RGS7: variants seen among roughly 807,000 people sequenced by gnomAD.
RGS7 encodes the protein regulator of G protein signaling 7.
RGS7 carries 27 observed loss-of-function variants against 81.1 expected under a neutral mutation model. The observed-to-expected ratio is 0.33, with a 90% CI of 0.25 to 0.46. RGS7 has a LOEUF of 0.46. Ranked by LOEUF, RGS7 falls within the 20% of genes least tolerant of loss-of-function variation. The pLI is 1.00. For synonymous variants in RGS7, 208 were observed against 207.7 expected (o/e 1.00, Z -0.01); for missense variants, 396 against 607.4 (o/e 0.65, Z 3.66).
At chr1:240,962,071 C>T (rs368974412) in intron 4 of RGS7, among the ~76,000 whole-genome samples, 15 of 152,264 alleles carry the variant, frequency 9.9e-5, no homozygotes, top group African/African-American at 3.6e-4. Flanking sequence ...GAGTATTACA[C>T]ACGTATGTTC....
At chr1:240,872,879 C>T (rs1664737466) in intron 6 of RGS7, among the ~76,000 whole-genome samples, 1 of 152,028 alleles carries the variant, frequency 6.6e-6, no homozygotes, top group Non-Finnish European at 1.5e-5. Context: ...GAGTTCAAGA[C>T]CAGTGTGGCC....
At chr1:240,832,183 A>T (rs970043742) in intron 9 of RGS7, among the ~76,000 whole-genome samples, 1 of 152,214 alleles carries the variant, frequency 6.6e-6, no homozygotes, top group Non-Finnish European at 1.5e-5. Flanking sequence ...TCCCAATAAG[A>T]TATAAATAAC....
intron 2 of RGS7, among the ~76,000 whole-genome samples, chr1:241,312,421 C>T (rs1033296674): frequency 1.3e-5 from 2 of 152,166 alleles, no homozygotes; most frequent in African/African-American, 4.8e-5. Flanking sequence ...GTGCCATTTT[C>T]CCAACAACAG....
chr1:240,930,594 A>T, intron 6 of RGS7, 123 bp downstream of exon 6: 1 of 927,690 alleles, frequency 1.1e-6, no homozygotes, highest in East Asian at 2.4e-5. Flanking sequence ...AATGTTAAAA[A>T]TATTGGTCCC....
chr1:241,341,246 A>T (rs12071898), intron 2 of RGS7, among the ~76,000 whole-genome samples: 34,073 of 152,080 alleles, frequency 0.22, 4,013 homozygotes, highest in East Asian at 0.28. Context: ...AGAGAAACTG[A>T]CTTGTCCAAG....
At chr1:240,956,584 A>C (rs408430) in intron 4 of RGS7, among the ~76,000 whole-genome samples, 132,211 of 152,006 alleles carry the variant, frequency 0.87, 57,676 homozygotes, top group Admixed American at 0.93. Context: ...AAAAGTATAC[A>C]ATGACAAAGG....
rs981611569 is a variant in RGS7, at chr1:241,232,695, G to C, written c.78+123004C>G. ...TCTGGAAAAAAAAAAAAAGGCCTGG[G>C]GGGAGCTTAGATAGGGATTGGGTTG... On this transcript the variant is annotated intron_variant, in intron 2 of 18. Coordinates refer to ENST00000440928, the MANE Select transcript of RGS7 (RefSeq NM_001364886.1). 4.6e-5 allele frequency among the ~76,000 whole-genome samples: 7 copies of C among 151,252 alleles called. No homozygotes were observed. The East Asian group carries it at 1.2e-3, about 25-fold the overall frequency.
chr1:241,294,590 T>C (rs941088758), intron 2 of RGS7, among the ~76,000 whole-genome samples: 5 of 152,190 alleles, frequency 3.3e-5, no homozygotes, highest in South Asian at 2.1e-4. Context: ...GGTACAGTAA[T>C]GTCCTAGACC....
chr1:240,869,958 C>A lies in RGS7; in HGVS notation c.450+97G>T, dbSNP rs927645818. On this transcript the variant is annotated intron_variant, in intron 7 of 18. Coordinates refer to ENST00000440928, the MANE Select transcript of RGS7 (RefSeq NM_001364886.1). Reference sequence around the variant, plus strand: ...TCCATCTCAAAAAAAAGAAAAAGATCCATGAATGAAGAGTTAACATCCTGC... The same window carrying A: ...TCCATCTCAAAAAAAAGAAAAAGATACATGAATGAAGAGTTAACATCCTGC... 7.9e-6 allele frequency: 8 copies of A among 1,018,846 alleles called. No homozygotes were observed. The African/African-American group carries it at 7.9e-5, about 10-fold the overall frequency. 63.1% of individuals were successfully genotyped at this position (1,018,846 alleles called of 1,614,324 possible).
At chr1:240,860,631 T>C (rs1300765581) in intron 9 of RGS7, among the ~76,000 whole-genome samples, 1 of 152,114 alleles carries the variant, frequency 6.6e-6, no homozygotes, top group Non-Finnish European at 1.5e-5. Flanking sequence ...ACAAATTTAT[T>C]TGAAGAAAAA....
At chr1:241,109,547 G>A (rs1415436502) in intron 2 of RGS7, among the ~76,000 whole-genome samples, 2 of 152,002 alleles carry the variant, frequency 1.3e-5, no homozygotes, top group African/African-American at 2.4e-5. Flanking sequence ...TCTGTGGCAT[G>A]GTCCATGAGG....
chr1:240,907,913 C>T (rs1230233155), intron 6 of RGS7, among the ~76,000 whole-genome samples: 1 of 152,038 alleles, frequency 6.6e-6, no homozygotes, highest in Non-Finnish European at 1.5e-5. Flanking sequence ...AAAATACATG[C>T]CATTCGTTTT....
rs1490734899 is a variant in RGS7 at position 241,036,926 on chromosome 1, T to C, written c.176-53797A>G. Among the ~76,000 whole-genome samples, 2 of 152,126 alleles carry C rather than the reference T, an allele frequency of 1.3e-5. 1 individual carries two copies. Among genetic ancestry groups the C allele is most frequent in the Admixed American group, 1.3e-4 (2 of 15,268 alleles). ...TAACAAGAATGGTGATTGTGGGAGCTACATACTTAAGTTGAAAGGACCCAC... is the reference window on the plus strand; with the variant it reads ...TAACAAGAATGGTGATTGTGGGAGCCACATACTTAAGTTGAAAGGACCCAC... On this transcript the variant is annotated intron_variant, in intron 3 of 18. Transcript: ENST00000440928.
intron 6 of RGS7, among the ~76,000 whole-genome samples, chr1:240,882,488 A>G (rs1325801168): frequency 2.0e-5 from 3 of 152,142 alleles, no homozygotes; most frequent in Non-Finnish European, 2.9e-5. Context: ...TATTTAATTG[A>G]TGGTAATGAT....
At chr1:241,154,342 A>T (rs747276243) in intron 2 of RGS7, among the ~76,000 whole-genome samples, 1 of 152,272 alleles carries the variant, frequency 6.6e-6, no homozygotes, top group Middle Eastern at 3.4e-3. Context: ...GCAGCAAGAA[A>T]GGCAATAGTA....
At chr1:241,278,716 C>T (rs148409358) in intron 2 of RGS7, among the ~76,000 whole-genome samples, 4 of 152,246 alleles carry the variant, frequency 2.6e-5, no homozygotes, top group South Asian at 4.1e-4. Context: ...CCTGTTGCGC[C>T]GCTAGCATTG....
chr1:241,019,905 T>A (rs2059454783), intron 3 of RGS7, among the ~76,000 whole-genome samples: 1 of 152,196 alleles, frequency 6.6e-6, no homozygotes, highest in Non-Finnish European at 1.5e-5. Flanking sequence ...AGAAGAAAAG[T>A]CATTGAATTT....
At position 241,124,798 on chromosome 1, in the gene RGS7, A is replaced by T. The variant is rs145682585; in HGVS notation, c.79-26036T>A. Among the ~76,000 whole-genome samples the T allele has an allele frequency of 1.6e-4, 25 of 152,310 alleles. No individual in the cohort carries two copies. In the East Asian group the frequency reaches 4.6e-3, roughly 28 times the overall value. On this transcript the variant is annotated intron_variant, in intron 2 of 18. Transcript: ENST00000440928. ...TGTGAGACATATCTCGGGACCTCCC[A>T]GGAGAGCTATGGAAGTAGTGATAGG...
intron 18 of RGS7, 61 bp from the exon 19 acceptor site, chr1:240,776,274 G>A: frequency 8.2e-7 from 1 of 1,217,988 alleles, no homozygotes; most frequent in Non-Finnish European, 1.2e-6. Flanking sequence ...CTGAAAACCT[G>A]CTTAGTAGTA....
Sources: gnomAD v4.1 joint callset for allele counts (sites outside exome capture counted in the v4.1 genomes callset) on GRCh38, gnomAD v4.1.1 for gene constraint, MANE v1.5 for transcripts, NCBI Gene and HGNC (gene_info 2026-07-23, HGNC 2026-07-21) for gene names.